GABBR2: variants seen among roughly 807,000 people sequenced by gnomAD.
GABBR2 encodes gamma-aminobutyric acid type B receptor subunit 2, also known as G-protein coupled receptor 51.
In GABBR2, 23 loss-of-function variants were observed where a neutral mutation model predicts 105.6. That is an observed-to-expected ratio of 0.22 (90% CI 0.16 to 0.31). GABBR2 has a LOEUF of 0.31. Ranked by LOEUF, GABBR2 falls within the 10% of genes least tolerant of loss-of-function variation. The pLI is 1.00. For missense variants in GABBR2, 734 were observed against 1,245.5 expected, an observed-to-expected ratio of 0.59 and a Z score of 6.18; for synonymous variants, 478 against 499.7, an observed-to-expected ratio of 0.96 and a Z score of 0.58.
At chr9:98,563,889 T>C (rs943276073) in intron 2 of GABBR2, among the ~76,000 whole-genome samples, 5 of 152,180 alleles carry the variant, frequency 3.3e-5, no homozygotes, top group African/African-American at 1.2e-4. Flanking sequence ...CTATGCTCTA[T>C]TTAGAAAAAA....
At chr9:98,370,753 A>T (rs1831765308) in intron 12 of GABBR2, among the ~76,000 whole-genome samples, 1 of 152,212 alleles carries the variant, frequency 6.6e-6, no homozygotes, top group African/African-American at 2.4e-5. Flanking sequence ...CTCCAGTACC[A>T]CTGCAAGAGT....
chr9:98,305,388 C>A (rs1422133497), intron 15 of GABBR2, among the ~76,000 whole-genome samples: 1 of 152,190 alleles, frequency 6.6e-6, no homozygotes, highest in Non-Finnish European at 1.5e-5. Flanking sequence ...CCAATGCTCA[C>A]CAATATAAGA....
intron 6 of GABBR2, among the ~76,000 whole-genome samples, chr9:98,467,670 C>T (rs1826588874): frequency 6.6e-6 from 1 of 152,186 alleles, no homozygotes; most frequent in African/African-American, 2.4e-5. Context: ...ACTAGATTTG[C>T]TGGGTTGAAT....
rs772244503 is a variant in GABBR2 at position 98,388,863 on chromosome 9, C to T, written c.1520G>A (p.Arg507Gln). ...SAFLFFNIKN[R>Q]NQKLIKMSSP... ...GACCAGGGTGGCTTACTTCTGATTC[C>T]GGTTCTTGATGTTGAAGAAGAGAAA... The change falls in exon 10 of 19, where the codon CGG becomes CAG. Residue 507 changes from arginine (R) to glutamine (Q), a missense_variant. Arg to Gln is a conservative substitution (Grantham distance 43, BLOSUM62 1). Transcript: ENST00000259455. The surrounding 1 kb of genome is among the most constrained non-coding windows in gnomAD (Gnocchi z 4.4). 19 of 1,612,344 alleles carry T rather than the reference C, an allele frequency of 1.2e-5. No homozygotes were observed. Among genetic ancestry groups the T allele is most frequent in the Admixed American group, 1.7e-5 (1 of 59,812 alleles).
intron 3 of GABBR2, among the ~76,000 whole-genome samples, chr9:98,510,181 G>A (rs1285290208): frequency 6.6e-6 from 1 of 152,184 alleles, no homozygotes; most frequent in Non-Finnish European, 1.5e-5. Context: ...AGCTTCATAA[G>A]TGAAGAAGAA....
At chr9:98,583,219 T>A (rs1167762) in intron 1 of GABBR2, among the ~76,000 whole-genome samples, 17,930 of 152,238 alleles carry the variant, frequency 0.12, 1,378 homozygotes, top group Admixed American at 0.21. Context: ...ATCTGTCCCA[T>A]TTTCGATGCT....
intron 1 of GABBR2, among the ~76,000 whole-genome samples, chr9:98,668,176 C>T (rs534062136): frequency 6.6e-6 from 1 of 152,374 alleles, no homozygotes; most frequent in South Asian, 2.1e-4. Context: ...AGTCGACTTT[C>T]CCATACACTC....
intron 9 of GABBR2, among the ~76,000 whole-genome samples, chr9:98,393,157 C>CCCATCCATCCATCCAT (rs148679963): frequency 0.037 from 4,267 of 115,012 alleles, 31 homozygotes; most frequent in African/African-American, 0.12. Context: ...CATCCACCAA[C>CCCATCCATCCATCCAT]CCATCCATCC....
At chr9:98,648,831 C>G (rs920886947) in intron 1 of GABBR2, among the ~76,000 whole-genome samples, 1 of 152,178 alleles carries the variant, frequency 6.6e-6, no homozygotes, top group Non-Finnish European at 1.5e-5. Context: ...AGCCACAGAC[C>G]AGCTGGACTA....
chr9:98,365,916 T>C (rs753003569), intron 12 of GABBR2, among the ~76,000 whole-genome samples: 1 of 152,208 alleles, frequency 6.6e-6, no homozygotes, highest in Non-Finnish European at 1.5e-5. Context: ...TCCTTCCTTC[T>C]CTTAAATGCT....
At position 98,387,330 on chromosome 9, in the gene GABBR2, G is replaced by A. The variant is rs147387230; in HGVS notation, c.1529+1524C>T. Among the ~76,000 whole-genome samples, 470 of 152,316 alleles carry A rather than the reference G, an allele frequency of 3.1e-3. 6 individuals are homozygous for A. The highest frequency in any genetic ancestry group is 0.011 in the African/African-American group (453 of 41,570). Reference sequence around the variant, plus strand: ...AGGAGGCCAAGAGGGGGTAGTTAAGGAATTCAATGAGTTTAGTCTTATGAT... The same window carrying A: ...AGGAGGCCAAGAGGGGGTAGTTAAGAAATTCAATGAGTTTAGTCTTATGAT... On this transcript the variant is annotated intron_variant, in intron 10 of 18. Coordinates refer to ENST00000259455, the MANE Select transcript of GABBR2 (RefSeq NM_005458.8).
intron 1 of GABBR2, among the ~76,000 whole-genome samples, chr9:98,685,287 C>T (rs774597658): frequency 3.3e-5 from 5 of 152,238 alleles, no homozygotes; most frequent in Non-Finnish European, 5.9e-5. Flanking sequence ...CGGCCACAGA[C>T]TGAAAGCTGC....
intron 1 of GABBR2, among the ~76,000 whole-genome samples, chr9:98,614,064 T>A (rs1404784587): frequency 6.6e-6 from 1 of 152,126 alleles, no homozygotes; most frequent in East Asian, 1.9e-4. Context: ...TAGCAATAGA[T>A]TTGAGTAGAA....
intron 1 of GABBR2, among the ~76,000 whole-genome samples, chr9:98,695,571 C>A: frequency 6.6e-6 from 1 of 152,302 alleles, no homozygotes; most frequent in East Asian, 1.9e-4. Context: ...GAAATAAGAA[C>A]GAGTTTTTAT....
intron 11 of GABBR2, among the ~76,000 whole-genome samples, chr9:98,377,707 T>A (rs1229203698): frequency 2.0e-5 from 3 of 152,134 alleles, no homozygotes; most frequent in Non-Finnish European, 4.4e-5. Flanking sequence ...GAGGCCATCA[T>A]CTGCTTATTG....
intron 11 of GABBR2, among the ~76,000 whole-genome samples, chr9:98,373,187 T>G (rs1283778711): frequency 6.6e-6 from 1 of 152,240 alleles, no homozygotes; most frequent in Admixed American, 6.5e-5. Flanking sequence ...CTGTCAGAGA[T>G]GCATGGGACT....
Position 98,708,804 on chromosome 9 carries a change from C to A in GABBR2, c.-67G>T, listed in dbSNP as rs1830940241. On this transcript the variant is annotated 5_prime_UTR_variant, in exon 1 of 19. Transcript: ENST00000259455. ...TGGCCTGGCCCGGCCCGCCGCCCCG[C>A]GCCAAGGTCTTCCCGCGGCGCCCGC... 1 of 943,060 alleles carries A rather than the reference C, an allele frequency of 1.1e-6. No individual in the cohort carries two copies. 58.4% of individuals were successfully genotyped at this position (943,060 alleles called of 1,614,324 possible). A position where few individuals can be genotyped will look rare whatever the true frequency, so the allele number is the denominator to read the frequency against.
At chr9:98,478,359 T>A (rs555083193) in intron 5 of GABBR2, among the ~76,000 whole-genome samples, 9 of 152,208 alleles carry the variant, frequency 5.9e-5, no homozygotes, top group Non-Finnish European at 1.2e-4. Flanking sequence ...TTGAACAGTC[T>A]CCTTAGGACC....
At chr9:98,584,412 G>T (rs1324618228) in intron 1 of GABBR2, among the ~76,000 whole-genome samples, 1 of 152,052 alleles carries the variant, frequency 6.6e-6, no homozygotes, top group Non-Finnish European at 1.5e-5. Flanking sequence ...CTCTACTGTA[G>T]CTCATGGTCA....
Sources: gnomAD v4.1 joint callset for allele counts (sites outside exome capture counted in the v4.1 genomes callset) on GRCh38, gnomAD v4.1.1 for gene constraint, Gnocchi (gnomAD v3.1) non-coding constraint, MANE v1.5 for transcripts, NCBI Gene and HGNC (gene_info 2026-07-23, HGNC 2026-07-21) for gene names.